The following SERPINB11 variants were observed in gnomAD, a reference collection of about 807,000 sequenced individuals.
The protein encoded by SERPINB11 is serpin family B member 11, also known as serpin B11.
A neutral mutation model predicts 36.7 loss-of-function variants in SERPINB11; 32 were observed. That is an observed-to-expected ratio of 0.87 (90% confidence interval 0.66 to 1.17). The LOEUF (loss-of-function observed/expected upper bound fraction) is 1.17, where lower values mean the gene tolerates loss of function less well. Among genes scored for constraint, SERPINB11 ranks in the 50% most tolerant of loss-of-function variants. The pLI, the probability that SERPINB11 is intolerant of heterozygous loss-of-function variation, is 0.00. For missense variants in SERPINB11, 528 were observed against 458.4 expected (o/e 1.15, Z -1.39); for synonymous variants, 174 against 168.1 (o/e 1.04, Z -0.27).
At position 63,720,955 on chromosome 18, in the gene SERPINB11, TGCTTCCAGTAGGCATA is replaced by T; in HGVS notation, c.747_762del (p.Pro250IlefsTer2). 3 of 1,609,992 alleles carry T rather than the reference TGCTTCCAGTAGGCATA, an allele frequency of 1.9e-6. No homozygotes were observed. The highest frequency in any genetic ancestry group is 2.5e-6 in the Non-Finnish European group (3 of 1,178,492). On this transcript the variant is annotated frameshift_variant, in exon 7 of 8. Transcript: ENST00000544088. LOFTEE classifies it low-confidence loss of function (END_TRUNC). ...AACAACAAATTAAGCATGATTATTCTGCTTCCAGTAGGCATAGCTAATCTGAAACAGGTAAAATTAT... is the reference window on the plus strand; with the variant it reads ...AACAACAAATTAAGCATGATTATTCTGCTAATCTGAAACAGGTAAAATTAT...
At chr18:63,719,165 C>T in intron 5 of SERPINB11, among the ~76,000 whole-genome samples, 1 of 152,036 alleles carries the variant, frequency 6.6e-6, no homozygotes, top group African/African-American at 2.4e-5. Flanking sequence ...TTAGTGTTGT[C>T]TGTCATGGGT....
chr18:63,706,963 T>G (rs1017666969), intron 1 of SERPINB11, among the ~76,000 whole-genome samples: 13 of 152,182 alleles, frequency 8.5e-5, no homozygotes, highest in African/African-American at 3.1e-4. Context: ...AGAAGAGGGC[T>G]GGTTTCCTCT....
chr18:63,703,935 A>G (rs1369015905), intron 1 of SERPINB11, among the ~76,000 whole-genome samples: 1 of 148,642 alleles, frequency 6.7e-6, no homozygotes, highest in African/African-American at 2.5e-5. Flanking sequence ...TTTCTGTCAT[A>G]ACAACTTCCA....
intron 3 of SERPINB11, 137 bp from the exon 4 acceptor site, chr18:63,712,428 A>T (rs1002093296): frequency 2.4e-6 from 2 of 824,316 alleles, no homozygotes; most frequent in African/African-American, 1.7e-5. Flanking sequence ...CAAGGAAGAA[A>T]ATGCTTTAAA....
intron 1 of SERPINB11, among the ~76,000 whole-genome samples, chr18:63,706,361 T>C (rs9973096): frequency 0.37 from 56,498 of 152,066 alleles, 11,355 homozygotes; most frequent in East Asian, 0.61. Context: ...CATATCCCAG[T>C]GAACACATCT....
At chr18:63,712,431 G>A in intron 3 of SERPINB11, 134 bp from the exon 4 acceptor site, 1 of 837,846 alleles carries the variant, frequency 1.2e-6, no homozygotes, top group South Asian at 1.8e-5. Flanking sequence ...GGAAGAAAAT[G>A]CTTTAAACTA....
At chr18:63,715,326 G>A (rs1017038969) in intron 4 of SERPINB11, among the ~76,000 whole-genome samples, 2 of 152,094 alleles carry the variant, frequency 1.3e-5, no homozygotes, top group South Asian at 2.1e-4. Flanking sequence ...GAAATCTAGG[G>A]CCATGGGTGG....
intron 1 of SERPINB11, among the ~76,000 whole-genome samples, chr18:63,704,997 A>G (rs1297129081): frequency 6.6e-6 from 1 of 152,242 alleles, no homozygotes. Flanking sequence ...GGTACGGACT[A>G]TATTCCCAGA....
At position 63,709,484 on chromosome 18, in the gene SERPINB11, G is replaced by A. The variant is rs62100861; in HGVS notation, c.-15-695G>A. On this transcript the variant is annotated intron_variant, in intron 1 of 7. Transcript: ENST00000544088. ...AAGTTAGCCGGGCGTGGTGGCAGGC[G>A]CCTGTAGTCCCAGCTACTCGGGAGG... Among the ~76,000 whole-genome samples, 491 of 152,100 alleles carry A rather than the reference G, an allele frequency of 3.2e-3. 6 individuals are homozygous for A. The highest frequency in any genetic ancestry group is 0.011 in the African/African-American group (471 of 41,518).
chr18:63,702,675 T>A (rs180818424), upstream of SERPINB11, among the ~76,000 whole-genome samples: 3 of 152,284 alleles, frequency 2.0e-5, no homozygotes, highest in African/African-American at 7.2e-5. Context: ...TTTATTTTTA[T>A]TTTTTAATTT....
Position 63,720,353 on chromosome 18 carries a change from A to T in SERPINB11, c.618+198A>T, listed in dbSNP as rs1598968059. The T allele has an allele frequency of 1.3e-5, 7 of 547,918 alleles. No individual in the cohort carries two copies. In the East Asian group the frequency reaches 2.4e-4, roughly 19 times the overall value. 33.9% of individuals were successfully genotyped at this position (547,918 alleles called of 1,614,324 possible). A position where few individuals can be genotyped will look rare whatever the true frequency, so the allele number is the denominator to read the frequency against. On this transcript the variant is annotated intron_variant, in intron 6 of 7. Transcript: ENST00000544088. ...TTTATCACAGAGCACCTAACTGGAG[A>T]CTTGGGATACTAAGATTCTCTGGCA...
intron 2 of SERPINB11, 77 bp from the exon 3 acceptor site, chr18:63,711,258 A>G: frequency 1.0e-6 from 1 of 971,928 alleles, no homozygotes; most frequent in Non-Finnish European, 1.6e-6. Flanking sequence ...ATAGAAAAAT[A>G]GATACTTACA....
chr18:63,716,161 A>G lies in SERPINB11; in HGVS notation c.475+9A>G, dbSNP rs1411926228. On this transcript the variant is annotated intron_variant, in intron 5 of 7. Transcript: ENST00000544088. ...TGAAAATAAAACTAATGGTAAGGAT[A>G]AGTCAATATGTGTCTCTAAACTCTG... is the stretch of plus-strand genomic sequence containing the variant. 5.9e-6 allele frequency: 9 copies of G among 1,512,992 alleles called. No homozygotes were observed. In the East Asian group the frequency reaches 2.0e-4, roughly 34 times the overall value. 93.7% of individuals were successfully genotyped at this position (1,512,992 alleles called of 1,614,324 possible). A position where few individuals can be genotyped will look rare whatever the true frequency, so the allele number is the denominator to read the frequency against.
intron 2 of SERPINB11, 55 bp from the exon 3 acceptor site, chr18:63,711,280 T>G: frequency 8.3e-7 from 1 of 1,207,242 alleles, no homozygotes; most frequent in African/African-American, 1.5e-5. Flanking sequence ...CTGTCAACCT[T>G]TATAGACTGT....
At chr18:63,715,377 C>T (rs534973827) in intron 4 of SERPINB11, among the ~76,000 whole-genome samples, 48 of 152,116 alleles carry the variant, frequency 3.2e-4, no homozygotes, top group African/African-American at 1.1e-3. Flanking sequence ...GGAGGGCCTC[C>T]GGAGTAAAAA....
At chr18:63,710,432 T>G (rs1914493185) in intron 2 of SERPINB11, 71 bp downstream of exon 2, 1 of 1,272,314 alleles carries the variant, frequency 7.9e-7, no homozygotes, top group Admixed American at 2.5e-5. Context: ...TCAGCAAAAT[T>G]AATTCTATCT....
In SERPINB11 at chr18:63,722,991, TTAGA is replaced by T; in HGVS notation, c.776_779del (p.Ile259LysfsTer4). 3.8e-6 allele frequency: 6 copies of T among 1,560,824 alleles called. No individual in the cohort carries two copies. The South Asian group carries it at 5.1e-5, about 13-fold the overall frequency. On this transcript the variant is annotated splice_acceptor_variant and splice_polypyrimidine_tract_variant and coding_sequence_variant and intron_variant, in exon 8 of 8. Transcript: ENST00000544088. LOFTEE classifies it high-confidence loss of function. ...TGTGGGCTTGTCTGTGTTTTGTCTCTTAGATAGAAAAGCAGCTGAATTCGGGGAC... is the reference window on the plus strand; with the variant it reads ...TGTGGGCTTGTCTGTGTTTTGTCTCTTAGAAAAGCAGCTGAATTCGGGGAC...
At chr18:63,709,065 C>G (rs1914445592) in intron 1 of SERPINB11, among the ~76,000 whole-genome samples, 2 of 152,220 alleles carry the variant, frequency 1.3e-5, no homozygotes, top group South Asian at 4.1e-4. Context: ...GTTAGCGGTG[C>G]TCAAACAATG....
chr18:63,712,504 A>G (rs1383204570), intron 3 of SERPINB11, 61 bp from the exon 4 acceptor site: 1 of 1,585,666 alleles, frequency 6.3e-7, no homozygotes, highest in South Asian at 1.1e-5. Context: ...GATAGTTATC[A>G]TTCTCCAATG....
Sources: allele counts gnomAD v4.1 joint callset (sites outside exome capture counted in the v4.1 genomes callset), GRCh38; gene constraint gnomAD v4.1.1; transcripts MANE v1.5; gene names NCBI Gene and HGNC (gene_info 2026-07-23, HGNC 2026-07-21).